Variants in SYTL3 observed in about 807,000 individuals in gnomAD.
The protein encoded by SYTL3 is synaptotagmin-like protein 3.
SYTL3 carries 88 observed loss-of-function variants against 82.1 expected under a neutral mutation model. The ratio of observed to expected loss-of-function variants is 1.07; its 90% CI spans 0.90 to 1.28. The LOEUF (loss-of-function observed/expected upper bound fraction) is 1.28. Among genes scored for constraint, SYTL3 ranks in the 50% most tolerant of loss-of-function variants. The probability of loss-of-function intolerance (pLI) is 0.00; values close to 1 mark genes in which losing one functional copy is unlikely to be tolerated. For synonymous variants in SYTL3, 311 were observed against 289.4 expected (o/e 1.07, Z -0.76); for missense variants, 831 against 757.6 (o/e 1.10, Z -1.14).
At chr6:158,648,258 A>T (rs1787615259), upstream of SYTL3, among the ~76,000 whole-genome samples, 1 of 151,610 alleles carries the variant, frequency 6.6e-6, no homozygotes, top group African/African-American at 2.4e-5. Context: ...GCGCCATTGC[A>T]CTCCAGCCCG....
At chr6:158,735,117 C>T (rs1785971993) in intron 11 of SYTL3, among the ~76,000 whole-genome samples, 1 of 152,118 alleles carries the variant, frequency 6.6e-6, no homozygotes, top group Non-Finnish European at 1.5e-5. Flanking sequence ...CAGCCTCACT[C>T]ACTCAGGGCC....
In SYTL3 at chr6:158,665,620, A is replaced by C. The variant is rs755594116; in HGVS notation, c.329+7A>C. The C allele has an allele frequency of 7.1e-6, 11 of 1,540,198 alleles. No homozygotes were observed. The highest frequency in any genetic ancestry group is 8.8e-6 in the Non-Finnish European group (10 of 1,137,892). ...CGGTGTGCTTCGAGGACAGGTAAGC[A>C]TGGCCGGTGGTTGGATCCCTCCCAC... On this transcript the variant is annotated splice_region_variant and intron_variant, in intron 5 of 17. Transcript: ENST00000611299.
intron 8 of SYTL3, among the ~76,000 whole-genome samples, chr6:158,708,737 C>T (rs1464366016): frequency 8.5e-5 from 13 of 152,050 alleles, no homozygotes; most frequent in Admixed American, 7.9e-4. Flanking sequence ...GATTGGTTAA[C>T]GTGTGTGTGA....
chr6:158,699,836 T>C (rs1780974439), intron 6 of SYTL3, among the ~76,000 whole-genome samples: 1 of 151,866 alleles, frequency 6.6e-6, no homozygotes, highest in Non-Finnish European at 1.5e-5. Context: ...TTATCCCAGC[T>C]ACTCCGAGCC....
chr6:158,711,505 C>T (rs1388854803), intron 8 of SYTL3, among the ~76,000 whole-genome samples: 1 of 152,140 alleles, frequency 6.6e-6, no homozygotes, highest in Non-Finnish European at 1.5e-5. Context: ...AGTCCAAGTC[C>T]CAAGGTGTCG....
At chr6:158,661,022 T>C (rs911731063) in intron 2 of SYTL3, among the ~76,000 whole-genome samples, 2 of 152,158 alleles carry the variant, frequency 1.3e-5, no homozygotes, top group Admixed American at 1.3e-4. Flanking sequence ...GCCACTGCAC[T>C]CCAGCCTGGG....
At position 158,746,756 on chromosome 6, in the gene SYTL3, A is replaced by G. The variant is rs970149236; in HGVS notation, c.1034+1098A>G. ...TGGGATTACAGGCATGAGCCACCAC[A>G]CCCGGCCAGCACTATTATTTTAATG... is the stretch of plus-strand genomic sequence containing the variant. On this transcript the variant is annotated intron_variant, in intron 12 of 17. Coordinates refer to ENST00000611299, the MANE Select transcript of SYTL3 (RefSeq NM_001242394.2). Among the ~76,000 whole-genome samples, 17 of 150,432 alleles carry G rather than the reference A, an allele frequency of 1.1e-4. No individual in the cohort carries two copies. The East Asian group carries it at 3.2e-3, about 28-fold the overall frequency.
At chr6:158,763,643 G>T in intron 17 of SYTL3, 134 bp downstream of exon 17, 1 of 716,712 alleles carries the variant, frequency 1.4e-6, no homozygotes. Context: ...AATTGGAAAT[G>T]CCTAAGTCTA....
At chr6:158,738,601 C>G (rs1370267411) in intron 11 of SYTL3, among the ~76,000 whole-genome samples, 1 of 152,166 alleles carries the variant, frequency 6.6e-6, no homozygotes, top group Non-Finnish European at 1.5e-5. Flanking sequence ...AACACCTTCA[C>G]TAAACCTTCC....
intron 6 of SYTL3, among the ~76,000 whole-genome samples, chr6:158,694,093 GT>G (rs1264530948): frequency 6.6e-6 from 1 of 152,046 alleles, no homozygotes; most frequent in African/African-American, 2.4e-5. Context: ...AGAAGTGTGT[GT>G]CTTGGTAGTG....
At chr6:158,691,459 A>G (rs917362358) in intron 6 of SYTL3, among the ~76,000 whole-genome samples, 3 of 152,170 alleles carry the variant, frequency 2.0e-5, no homozygotes, top group African/African-American at 7.2e-5. Flanking sequence ...TTAGATCACT[A>G]ATAACTAGAA....
upstream of SYTL3, among the ~76,000 whole-genome samples, chr6:158,645,120 T>G (rs987853052): frequency 6.6e-6 from 1 of 152,220 alleles, no homozygotes; most frequent in South Asian, 2.1e-4. Context: ...AACTCGAAAG[T>G]GACTGCTGAA....
intron 2 of SYTL3, among the ~76,000 whole-genome samples, chr6:158,660,480 A>G (rs1042890804): frequency 1.3e-5 from 2 of 152,212 alleles, no homozygotes; most frequent in Admixed American, 6.5e-5. Context: ...TGGGGCCCAC[A>G]GGCGGGGGTT....
At chr6:158,715,635 C>T (rs1308787811) in intron 9 of SYTL3, among the ~76,000 whole-genome samples, 2 of 43,812 alleles carry the variant, frequency 4.6e-5, no homozygotes, top group African/African-American at 1.8e-4. Flanking sequence ...CCAGCACCCC[C>T]CATACCCCCC....
chr6:158,707,437 A>C (rs1210508104), intron 7 of SYTL3, among the ~76,000 whole-genome samples, 156 bp downstream of exon 7: 2 of 152,136 alleles, frequency 1.3e-5, no homozygotes, highest in African/African-American at 4.8e-5. Flanking sequence ...GTTCCTGAAA[A>C]AGATTAAAGC....
intron 5 of SYTL3, among the ~76,000 whole-genome samples, chr6:158,678,543 C>A (rs140285381): frequency 1.3e-5 from 2 of 152,144 alleles, no homozygotes; most frequent in African/African-American, 4.8e-5. Context: ...TCTTATTGAA[C>A]GTTTGTGTGC....
intron 11 of SYTL3, among the ~76,000 whole-genome samples, chr6:158,744,331 G>C (rs1283519968): frequency 7.8e-6 from 1 of 128,958 alleles, no homozygotes; most frequent in Non-Finnish European, 1.6e-5. Flanking sequence ...TTTTGAGACG[G>C]AGTCTTGCTC....
chr6:158,696,158 A>C (rs551884052), intron 6 of SYTL3, among the ~76,000 whole-genome samples: 8 of 152,308 alleles, frequency 5.3e-5, no homozygotes, highest in African/African-American at 1.9e-4. Flanking sequence ...CTAGCAATGC[A>C]CAAGGGTTCC....
intron 5 of SYTL3, among the ~76,000 whole-genome samples, chr6:158,666,608 G>T (rs919579876): frequency 2.6e-5 from 4 of 152,214 alleles, no homozygotes; most frequent in African/African-American, 9.7e-5. Context: ...GGAGTCATCA[G>T]AGACCCTGAG....
Sources: gnomAD v4.1 joint callset for allele counts (sites outside exome capture counted in the v4.1 genomes callset) on GRCh38, gnomAD v4.1.1 for gene constraint, MANE v1.5 for transcripts, NCBI Gene and HGNC (gene_info 2026-07-23, HGNC 2026-07-21) for gene names.